Variants in PKIG observed in about 807,000 individuals in gnomAD.
The protein encoded by PKIG is cAMP-dependent protein kinase inhibitor gamma, also known as protein kinase (cAMP-dependent, catalytic) inhibitor gamma.
In PKIG, 1 loss-of-function variant was observed where a neutral mutation model predicts 6.8. The ratio of observed to expected loss-of-function variants is 0.15; its 90% CI spans 0.05 to 0.69. The LOEUF (loss-of-function observed/expected upper bound fraction) is 0.69. Ranked by LOEUF, PKIG falls within the 30% of genes least tolerant of loss-of-function variation. The pLI, the probability that PKIG is intolerant of heterozygous loss-of-function variation, is 0.82. For synonymous variants in PKIG, 39 were observed against 43.0 expected (o/e 0.91, Z 0.36); for missense variants, 77 against 104.0 (o/e 0.74, Z 1.13).
chr20:44,594,464 G>A (rs1004815948), intron 2 of PKIG, among the ~76,000 whole-genome samples: 1 of 152,140 alleles, frequency 6.6e-6, no homozygotes, highest in Non-Finnish European at 1.5e-5. Flanking sequence ...AGGAGGAAAG[G>A]ACTCAAAAAA....
chr20:44,556,856 A>G lies in PKIG; in HGVS notation c.-241+24878A>G, dbSNP rs576582543. Among the ~76,000 whole-genome samples, 7 of 152,196 alleles carry G rather than the reference A, an allele frequency of 4.6e-5. No individual in the cohort carries two copies. In the South Asian group the frequency reaches 1.0e-3, roughly 23 times the overall value. On this transcript the variant is annotated intron_variant, in intron 1 of 4. Coordinates refer to the PKIG transcript ENST00000372887. ...TCCTTCATAAGATTTTCTTTCTTCT[A>G]AACCTTTGGAATATGCCATGCTTTT...
At chr20:44,577,949 G>T (rs990283832), upstream of PKIG, among the ~76,000 whole-genome samples, 2 of 152,242 alleles carry the variant, frequency 1.3e-5, no homozygotes, top group Admixed American at 6.5e-5. Flanking sequence ...TGGGTTATGC[G>T]TACAGATCTC....
chr20:44,614,858 C>T lies in PKIG; in HGVS notation c.151+151C>T. ...CCCCATGGTCAGTGGCAGAGTCCAG[C>T]AATCTCTAGGTTGGAAGATGTTTGA... On this transcript the variant is annotated intron_variant, in intron 3 of 3. Transcript: ENST00000372886. The surrounding 1 kb of genome is among the most constrained non-coding windows in gnomAD (Gnocchi z 4.6). 1 of 745,926 alleles carries T rather than the reference C, an allele frequency of 1.3e-6. No homozygotes were observed. The highest frequency in any genetic ancestry group is 2.1e-6 in the Non-Finnish European group (1 of 467,282). 46.2% of individuals were successfully genotyped at this position (745,926 alleles called of 1,614,324 possible). A position where few individuals can be genotyped will look rare whatever the true frequency, so the allele number is the denominator to read the frequency against.
chr20:44,544,064 CAA>C (rs543416378), intron 1 of PKIG, among the ~76,000 whole-genome samples: 55 of 72,650 alleles, frequency 7.6e-4, no homozygotes, highest in Admixed American at 8.4e-4. Flanking sequence ...AACTCCGCCT[CAA>C]AAAAAAAAAA....
At chr20:44,610,122 C>T (rs1320641875) in intron 2 of PKIG, among the ~76,000 whole-genome samples, 1 of 152,306 alleles carries the variant, frequency 6.6e-6, no homozygotes, top group East Asian at 1.9e-4. Flanking sequence ...CAGAGCGTGA[C>T]TAGGGCAGCG....
At chr20:44,585,301 C>T (rs1441052196) in intron 1 of PKIG, 1 of 152,380 alleles carries the variant, frequency 6.6e-6, no homozygotes, top group African/African-American at 2.4e-5. Context: ...ATCTCTCCCA[C>T]CTCAGTCACT....
At chr20:44,613,340 G>GT (rs1402311185) in intron 2 of PKIG, among the ~76,000 whole-genome samples, 2 of 151,898 alleles carry the variant, frequency 1.3e-5, no homozygotes, top group African/African-American at 4.8e-5. Context: ...TAATTTTTTT[G>GT]TATTTTTAGT....
intron 1 of PKIG, among the ~76,000 whole-genome samples, chr20:44,544,646 C>A (rs1046726261): frequency 6.6e-5 from 10 of 152,220 alleles, no homozygotes; most frequent in Admixed American, 6.5e-4. Context: ...CCCTAAGTCC[C>A]AACCACCATG....
chr20:44,588,663 CACTT>C (rs2123375755), intron 1 of PKIG, among the ~76,000 whole-genome samples: 1 of 151,848 alleles, frequency 6.6e-6, no homozygotes, highest in African/African-American at 2.4e-5. Context: ...GAAATGGAGT[CACTT>C]ATACCAAGAG....
intron 1 of PKIG, among the ~76,000 whole-genome samples, chr20:44,561,486 A>C (rs754404251): frequency 2.0e-5 from 3 of 152,266 alleles, no homozygotes; most frequent in Non-Finnish European, 4.4e-5. Context: ...AGAGAGAACT[A>C]GTGAACTAGA....
chr20:44,576,158 AGTGTGTGTGTGT>A (rs3221821), intron 1 of PKIG, among the ~76,000 whole-genome samples: 49 of 140,598 alleles, frequency 3.5e-4, no homozygotes, highest in Admixed American at 2.2e-3. Flanking sequence ...GACTAAGTAG[AGTGTGTGTGTGT>A]GTGTGTGTGT....
chr20:44,559,993 A>G (rs769767123), intron 1 of PKIG, among the ~76,000 whole-genome samples: 2 of 151,718 alleles, frequency 1.3e-5, no homozygotes, highest in East Asian at 1.9e-4. Flanking sequence ...ACTTGAGCTC[A>G]TGAGTTCCAG....
chr20:44,599,256 T>G (rs1488009739), intron 2 of PKIG, among the ~76,000 whole-genome samples: 1 of 152,198 alleles, frequency 6.6e-6, no homozygotes, highest in Non-Finnish European at 1.5e-5. Flanking sequence ...ACTAATTCAC[T>G]CCCCTGCTTT....
chr20:44,586,807 GT>G (rs1453577048), intron 1 of PKIG, among the ~76,000 whole-genome samples: 1 of 152,192 alleles, frequency 6.6e-6, no homozygotes, highest in Non-Finnish European at 1.5e-5. Context: ...TCAAAGAGTG[GT>G]TTCTTTGGAA....
intron 1 of PKIG, among the ~76,000 whole-genome samples, chr20:44,573,802 G>GTTA (rs2064873429): frequency 1.3e-5 from 2 of 152,144 alleles, no homozygotes; most frequent in Non-Finnish European, 2.9e-5. Flanking sequence ...AGCAATAATT[G>GTTA]TTATTATTAC....
intron 1 of PKIG, among the ~76,000 whole-genome samples, chr20:44,535,851 T>C (rs1158680895): frequency 6.6e-6 from 1 of 152,246 alleles, no homozygotes; most frequent in African/African-American, 2.4e-5. Flanking sequence ...GATTTTTAAG[T>C]TTACAGTTTT....
intron 1 of PKIG, among the ~76,000 whole-genome samples, chr20:44,569,239 G>A (rs922753000): frequency 6.6e-6 from 1 of 152,134 alleles, no homozygotes; most frequent in African/African-American, 2.4e-5. Context: ...TAAGGCACAT[G>A]TCTAGTAGAA....
chr20:44,576,844 G>C (rs2064902708), intron 1 of PKIG, among the ~76,000 whole-genome samples: 1 of 152,144 alleles, frequency 6.6e-6, no homozygotes, highest in Non-Finnish European at 1.5e-5. Context: ...GTGATATCCT[G>C]CGAACCTATC....
chr20:44,611,108 G>A (rs559808109), intron 2 of PKIG, among the ~76,000 whole-genome samples: 11 of 148,240 alleles, frequency 7.4e-5, no homozygotes, highest in Admixed American at 1.4e-4. Flanking sequence ...AGGGTGGAGT[G>A]CAGTGGCGTG....
Sources: allele counts gnomAD v4.1 joint callset (sites outside exome capture counted in the v4.1 genomes callset), GRCh38; gene constraint gnomAD v4.1.1; non-coding constraint Gnocchi (gnomAD v3.1); transcripts MANE v1.5; gene names NCBI Gene and HGNC (gene_info 2026-07-23, HGNC 2026-07-21).